The following PTPRD variants were observed in gnomAD, a reference collection of about 807,000 sequenced individuals.
The protein encoded by PTPRD is protein tyrosine phosphatase receptor type D, also known as receptor-type tyrosine-protein phosphatase delta.
PTPRD carries 34 observed loss-of-function variants against 214.5 expected under a neutral mutation model. The observed-to-expected ratio is 0.16, with a 90% CI of 0.12 to 0.21. The LOEUF (loss-of-function observed/expected upper bound fraction) is 0.21, where lower values mean the gene tolerates loss of function less well. Among genes scored for constraint, PTPRD ranks in the 10% least tolerant of loss-of-function variants. The pLI, the probability that PTPRD is intolerant of heterozygous loss-of-function variation, is 1.00. For synonymous variants in PTPRD, 1,128 were observed against 845.7 expected (o/e 1.33, Z -5.79); for missense variants, 2,545 against 2,398.7 (o/e 1.06, Z -1.27).
intron 23 of PTPRD, among the ~76,000 whole-genome samples, chr9:8,503,956 G>T (rs1243939605): frequency 6.6e-6 from 1 of 152,144 alleles, no homozygotes; most frequent in African/African-American, 2.4e-5. Flanking sequence ...TTGCTTTAAA[G>T]ACTTGTAATT....
chr9:10,458,394 C>G (rs1341763680), intron 2 of PTPRD, among the ~76,000 whole-genome samples: 1 of 152,092 alleles, frequency 6.6e-6, no homozygotes, highest in African/African-American at 2.4e-5. Context: ...TTAACATATG[C>G]AAATCAACCA....
At chr9:8,971,690 G>C (rs2099239413) in intron 11 of PTPRD, among the ~76,000 whole-genome samples, 1 of 151,220 alleles carries the variant, frequency 6.6e-6, no homozygotes, top group South Asian at 2.1e-4. Flanking sequence ...AGACAATGAA[G>C]TCAAACAATA....
intron 14 of PTPRD, among the ~76,000 whole-genome samples, chr9:8,566,091 A>T (rs2088958034): frequency 1.1e-5 from 1 of 91,292 alleles, no homozygotes; most frequent in Non-Finnish European, 2.5e-5. Context: ...TATATACTGA[A>T]TGCAAAATAT....
At chr9:8,899,558 A>G (rs1258523599) in intron 11 of PTPRD, among the ~76,000 whole-genome samples, 1 of 152,106 alleles carries the variant, frequency 6.6e-6, no homozygotes, top group Admixed American at 6.6e-5. Context: ...GATTGTTTCC[A>G]TTTTTGCTCC....
At chr9:10,403,957 A>G (rs1390841280) in intron 2 of PTPRD, among the ~76,000 whole-genome samples, 1 of 151,694 alleles carries the variant, frequency 6.6e-6, no homozygotes, top group Non-Finnish European at 1.5e-5. Context: ...AATCCACAGA[A>G]TGTACCACAG....
At chr9:9,833,690 CA>C (rs2055779931) in intron 5 of PTPRD, among the ~76,000 whole-genome samples, 2 of 132,812 alleles carry the variant, frequency 1.5e-5, no homozygotes, top group East Asian at 2.8e-4. Context: ...GAGAGGGGGG[CA>C]GTTCAGAGAC....
chr9:8,971,314 C>T (rs558739488), intron 11 of PTPRD, among the ~76,000 whole-genome samples: 1 of 151,678 alleles, frequency 6.6e-6, no homozygotes, highest in East Asian at 1.9e-4. Flanking sequence ...ATATAATCCA[C>T]AATTGAGAAA....
intron 10 of PTPRD, among the ~76,000 whole-genome samples, chr9:9,180,380 A>G (rs1025438317): frequency 1.4e-4 from 20 of 145,370 alleles, no homozygotes; most frequent in African/African-American, 4.8e-4. Context: ...TCTCACTCGT[A>G]GGTGGGAACT....
chr9:8,813,940 G>A (rs1436831008), intron 11 of PTPRD, among the ~76,000 whole-genome samples: 2 of 152,144 alleles, frequency 1.3e-5, no homozygotes, highest in African/African-American at 4.8e-5. Flanking sequence ...TTTCTCTTAG[G>A]TGCTTTCACA....
chr9:10,035,823 T>TAA (rs34681377), intron 3 of PTPRD, among the ~76,000 whole-genome samples: 3 of 147,696 alleles, frequency 2.0e-5, no homozygotes, highest in African/African-American at 2.5e-5. Context: ...TTTACTTCAT[T>TAA]AAAAAAAAAA....
intron 10 of PTPRD, among the ~76,000 whole-genome samples, chr9:9,139,032 G>T (rs931261632): frequency 3.9e-5 from 6 of 152,008 alleles, no homozygotes; most frequent in African/African-American, 1.4e-4. Context: ...AAATAGCAGA[G>T]CCAGGATAGA....
intron 36 of PTPRD, among the ~76,000 whole-genome samples, chr9:8,402,690 A>C (rs200384258): frequency 6.6e-4 from 48 of 72,320 alleles, no homozygotes; most frequent in South Asian, 1.5e-3. Flanking sequence ...GAGACCCCCC[A>C]CAAAAAAACC....
intron 12 of PTPRD, among the ~76,000 whole-genome samples, chr9:8,716,850 G>A (rs1000028141): frequency 2.0e-5 from 3 of 152,190 alleles, no homozygotes; most frequent in African/African-American, 4.8e-5. Flanking sequence ...AATGTAGGGG[G>A]TTGGGGGTGA....
chr9:8,875,578 A>G (rs764485322), intron 11 of PTPRD, among the ~76,000 whole-genome samples: 9 of 152,100 alleles, frequency 5.9e-5, no homozygotes, highest in Non-Finnish European at 1.3e-4. Context: ...AAACATCTCA[A>G]TGAGTATTTA....
At chr9:8,435,264 T>G (rs1053387281) in intron 35 of PTPRD, among the ~76,000 whole-genome samples, 1 of 152,196 alleles carries the variant, frequency 6.6e-6, no homozygotes, top group African/African-American at 2.4e-5. Flanking sequence ...TATGTTCTCT[T>G]ACATGGAGCT....
intron 9 of PTPRD, among the ~76,000 whole-genome samples, chr9:9,239,772 G>C (rs1045836095): frequency 6.6e-6 from 1 of 152,182 alleles, no homozygotes; most frequent in African/African-American, 2.4e-5. Context: ...TGGCCCAGTT[G>C]TGACTCCTGG....
chr9:9,318,319 A>T (rs1259149486), intron 9 of PTPRD, among the ~76,000 whole-genome samples: 1 of 151,972 alleles, frequency 6.6e-6, no homozygotes, highest in African/African-American at 2.4e-5. Context: ...ACCACTTTCC[A>T]ATGTGCTAGT....
intron 44 of PTPRD, among the ~76,000 whole-genome samples, chr9:8,330,569 AGT>A (rs1839293436): frequency 2.1e-5 from 1 of 47,392 alleles, no homozygotes; most frequent in Admixed American, 2.6e-4. Flanking sequence ...CTCAATAGAA[AGT>A]AGAAAGCAAA....
At chr9:8,429,403 A>C (rs1002647120) in intron 35 of PTPRD, among the ~76,000 whole-genome samples, 1 of 152,146 alleles carries the variant, frequency 6.6e-6, no homozygotes, top group Non-Finnish European at 1.5e-5. Context: ...TGGTTTAGAC[A>C]GCTCTAAATA....
Sources: allele counts gnomAD v4.1 joint callset (sites outside exome capture counted in the v4.1 genomes callset), GRCh38; gene constraint gnomAD v4.1.1; transcripts MANE v1.5; gene names NCBI Gene and HGNC (gene_info 2026-07-23, HGNC 2026-07-21).